Variants in RGS7BP observed in about 807,000 individuals in gnomAD.
The protein encoded by RGS7BP is regulator of G protein signaling 7-binding protein.
In RGS7BP, 9 loss-of-function variants were observed where a neutral mutation model predicts 31.3. The observed-to-expected ratio is 0.29, with a 90% confidence interval of 0.17 to 0.50. The LOEUF is 0.50. RGS7BP is among the 20% of genes least tolerant of loss of function. The pLI, the probability that RGS7BP is intolerant of heterozygous loss-of-function variation, is 0.98. For synonymous variants in RGS7BP, 115 were observed against 120.1 expected (o/e 0.96, Z 0.28); for missense variants, 274 against 322.0 (o/e 0.85, Z 1.14).
At chr5:64,608,251 T>C (rs1743414672) in intron 5 of RGS7BP, among the ~76,000 whole-genome samples, 1 of 152,054 alleles carries the variant, frequency 6.6e-6, no homozygotes, top group Admixed American at 6.6e-5. Context: ...CATTGACAAG[T>C]TCTGCTTCAA....
chr5:64,582,223 A>C (rs1445828260), intron 3 of RGS7BP, among the ~76,000 whole-genome samples: 2 of 152,202 alleles, frequency 1.3e-5, no homozygotes, highest in African/African-American at 4.8e-5. Context: ...CTGCCACCAG[A>C]TGAAAAGAGA....
At position 64,571,290 on chromosome 5, in the gene RGS7BP, T is replaced by C. The variant is rs539196624; in HGVS notation, c.333-4484T>C. Among the ~76,000 whole-genome samples, 149 of 152,306 alleles carry C rather than the reference T, an allele frequency of 9.8e-4. 1 individual carries two copies. The highest frequency in any genetic ancestry group is 3.3e-3 in the African/African-American group (136 of 41,580). ...TTAATTGTTGAGTATTATTCTATTG[T>C]AGAAGTGTACTAATTTCTTTAACCA... is the stretch of plus-strand genomic sequence containing the variant. On this transcript the variant is annotated intron_variant, in intron 2 of 5. Transcript: ENST00000334025.
intron 5 of RGS7BP, among the ~76,000 whole-genome samples, chr5:64,602,984 G>A (rs1271474775): frequency 6.6e-6 from 1 of 152,190 alleles, no homozygotes; most frequent in Non-Finnish European, 1.5e-5. Context: ...AGATGAAATA[G>A]GAGGGGATTT....
chr5:64,544,950 G>A (rs913720774), intron 2 of RGS7BP, among the ~76,000 whole-genome samples: 14 of 152,286 alleles, frequency 9.2e-5, no homozygotes, highest in African/African-American at 3.4e-4. Flanking sequence ...ACCAAGGCAG[G>A]TAAATCACGA....
At chr5:64,551,814 A>G (rs1010364512) in intron 2 of RGS7BP, among the ~76,000 whole-genome samples, 5 of 152,148 alleles carry the variant, frequency 3.3e-5, no homozygotes, top group Admixed American at 1.3e-4. Context: ...TTTATAGCTA[A>G]TCTAAAATCT....
chr5:64,547,506 A>G (rs934742670), intron 2 of RGS7BP, among the ~76,000 whole-genome samples: 12 of 152,300 alleles, frequency 7.9e-5, no homozygotes, highest in Admixed American at 7.8e-4. Context: ...TTCCTACCTT[A>G]AGTATTTCCC....
intron 3 of RGS7BP, among the ~76,000 whole-genome samples, chr5:64,593,499 T>C (rs1742975187): frequency 6.6e-6 from 1 of 152,212 alleles, no homozygotes; most frequent in Non-Finnish European, 1.5e-5. Context: ...TTCAGTGATA[T>C]GGGCTGTAAC....
intron 2 of RGS7BP, among the ~76,000 whole-genome samples, chr5:64,512,106 TG>T (rs1748853169): frequency 6.6e-6 from 1 of 152,158 alleles, no homozygotes; most frequent in Admixed American, 6.5e-5. Context: ...CTGCTATGGC[TG>T]GGGGGCTGGT....
At chr5:64,578,085 G>T (rs1742484759) in intron 3 of RGS7BP, among the ~76,000 whole-genome samples, 1 of 152,096 alleles carries the variant, frequency 6.6e-6, no homozygotes, top group Admixed American at 6.6e-5. Flanking sequence ...TAAATAAAGG[G>T]GATTTCCCCA....
At chr5:64,588,567 C>T (rs1742822323) in intron 3 of RGS7BP, among the ~76,000 whole-genome samples, 2 of 152,204 alleles carry the variant, frequency 1.3e-5, no homozygotes. Flanking sequence ...TGCTAATCCT[C>T]TTGCTACTCC....
intron 2 of RGS7BP, among the ~76,000 whole-genome samples, chr5:64,556,386 G>GT (rs1741923354): frequency 1.6e-5 from 1 of 61,180 alleles, no homozygotes; most frequent in African/African-American, 5.7e-5. Flanking sequence ...ATCGTGATAA[G>GT]TAAAAAAAAA....
intron 2 of RGS7BP, among the ~76,000 whole-genome samples, chr5:64,515,328 C>T (rs1455950797): frequency 6.6e-6 from 1 of 152,066 alleles, no homozygotes; most frequent in Non-Finnish European, 1.5e-5. Flanking sequence ...ACTTGAAGAG[C>T]TTATATACCT....
chr5:64,593,425 A>G (rs1184502435), intron 3 of RGS7BP, among the ~76,000 whole-genome samples: 1 of 152,216 alleles, frequency 6.6e-6, no homozygotes, highest in Non-Finnish European at 1.5e-5. Flanking sequence ...ATGCAAAACA[A>G]TCACAGCAGG....
intron 2 of RGS7BP, among the ~76,000 whole-genome samples, chr5:64,514,403 G>C (rs1487991522): frequency 6.6e-6 from 1 of 151,974 alleles, no homozygotes. Flanking sequence ...ACACACTTTG[G>C]GTTGTTTTGC....
In RGS7BP at chr5:64,507,752, G is replaced by T; in HGVS notation, c.207G>T (p.Glu69Asp). 1 of 1,613,650 alleles carries T rather than the reference G, an allele frequency of 6.2e-7. No individual in the cohort carries two copies. The highest frequency in any genetic ancestry group is 8.5e-7 in the Non-Finnish European group (1 of 1,179,846). Residue 69 changes from glutamate (E) to aspartate (D), a missense_variant, in exon 2 of 6, where the codon GAG becomes GAT. Physicochemically the swap from Glu to Asp is conservative, Grantham distance 45. Coordinates refer to ENST00000334025, the MANE Select transcript of RGS7BP (RefSeq NM_001029875.3). The part of the protein sequence containing the change: ...EFNTQVALYR[E>D]LVISIGDVSV... ...ACACACAAGTGGCCCTGTACCGAGA[G>T]CTGGTCATTTCTATTGGGGATGTCT...
intron 2 of RGS7BP, among the ~76,000 whole-genome samples, chr5:64,513,934 C>T (rs1454486334): frequency 6.6e-6 from 1 of 152,170 alleles, no homozygotes; most frequent in Non-Finnish European, 1.5e-5. Flanking sequence ...GTGCCACAAA[C>T]GGAGTGGCTT....
At chr5:64,543,685 A>G (rs1313766120) in intron 2 of RGS7BP, among the ~76,000 whole-genome samples, 1 of 152,224 alleles carries the variant, frequency 6.6e-6, no homozygotes, top group Non-Finnish European at 1.5e-5. Context: ...TGGCAGGGTC[A>G]TGCAAGAAAA....
At chr5:64,507,951 G>T in intron 2 of RGS7BP, 74 bp downstream of exon 2, 1 of 1,264,692 alleles carries the variant, frequency 7.9e-7, no homozygotes, top group Non-Finnish European at 1.1e-6. Flanking sequence ...TGGTAGTCAA[G>T]TCCTCAGACA....
chr5:64,595,047 G>A (rs566700429), intron 4 of RGS7BP, among the ~76,000 whole-genome samples, 190 bp downstream of exon 4: 55 of 152,292 alleles, frequency 3.6e-4, no homozygotes, highest in African/African-American at 1.3e-3. Context: ...AGACAAGAGA[G>A]GGTAAGCAGT....
Sources: gnomAD v4.1 joint callset for allele counts (sites outside exome capture counted in the v4.1 genomes callset) on GRCh38, gnomAD v4.1.1 for gene constraint, MANE v1.5 for transcripts, NCBI Gene and HGNC (gene_info 2026-07-23, HGNC 2026-07-21) for gene names.